LAMA2: variants seen among roughly 807,000 people sequenced by gnomAD.
LAMA2 encodes laminin subunit alpha 2.
A neutral mutation model predicts 364.8 loss-of-function variants in LAMA2; 269 were observed. The ratio of observed to expected loss-of-function variants is 0.74; its 90% CI spans 0.67 to 0.82. LAMA2 has a LOEUF of 0.82. Ranked by LOEUF, LAMA2 falls within the 40% of genes least tolerant of loss-of-function variation. The pLI, the probability that LAMA2 is intolerant of heterozygous loss-of-function variation, is 0.00. For missense variants in LAMA2, 3,807 were observed against 3,873.2 expected, an observed-to-expected ratio of 0.98 and a Z score of 0.45; for synonymous variants, 1,379 against 1,370.6, an observed-to-expected ratio of 1.01 and a Z score of -0.14.
chr6:129,404,989 A>G (rs6900123), intron 40 of LAMA2, among the ~76,000 whole-genome samples: 76,277 of 151,848 alleles, frequency 0.5, 19,648 homozygotes, highest in African/African-American at 0.62. Context: ...TACTAATGCC[A>G]TATGTTCTGT....
intron 12 of LAMA2, among the ~76,000 whole-genome samples, chr6:129,244,937 A>C (rs189262042): frequency 3.3e-4 from 51 of 152,284 alleles, no homozygotes; most frequent in African/African-American, 1.2e-3. Flanking sequence ...ACTTGCAAAC[A>C]AGCTGGTTTT....
intron 3 of LAMA2, among the ~76,000 whole-genome samples, chr6:129,090,533 G>A (rs150818847): frequency 7.0e-4 from 106 of 152,172 alleles, no homozygotes; most frequent in African/African-American, 2.4e-3. Context: ...ATATATCTAG[G>A]TCTCTCAATC....
At chr6:128,929,091 T>C in intron 1 of LAMA2, 1 of 1,458,572 alleles carries the variant, frequency 6.9e-7, no homozygotes, top group Non-Finnish European at 9.6e-7. Flanking sequence ...ATCCACACTG[T>C]GGACCGCAGC....
rs201787324 is a variant in LAMA2, at chr6:129,200,244, G to GTA, written c.1782+7400_1782+7401dup. On this transcript the variant is annotated intron_variant, in intron 12 of 64. Transcript: ENST00000421865. ...TATATACGTGTACACATATACATGT[G>GTA]TATATATATACGTGTACACATATAC... 4.1e-5 allele frequency among the ~76,000 whole-genome samples: 5 copies of GTA among 122,400 alleles called. 1 individual carries two copies. The highest frequency in any genetic ancestry group is 2.3e-4 in the East Asian group (1 of 4,334). The allele number at this position is 122,400 out of a possible 152,430, so 80.3% of individuals were successfully genotyped here.
intron 22 of LAMA2, among the ~76,000 whole-genome samples, chr6:129,303,104 A>AT (rs1031097337): frequency 5.9e-5 from 9 of 152,106 alleles, no homozygotes; most frequent in East Asian, 3.9e-4. Flanking sequence ...ATAACTCTGC[A>AT]TTTTTTTAGG....
chr6:129,215,712 A>G (rs945920805), intron 12 of LAMA2, among the ~76,000 whole-genome samples: 8 of 152,158 alleles, frequency 5.3e-5, no homozygotes, highest in Non-Finnish European at 8.8e-5. Flanking sequence ...TATCTATAAA[A>G]TGGAGAGTGT....
At chr6:129,100,628 A>G (rs1161601290) in intron 4 of LAMA2, among the ~76,000 whole-genome samples, 1 of 152,220 alleles carries the variant, frequency 6.6e-6, no homozygotes, top group Non-Finnish European at 1.5e-5. Flanking sequence ...GGTAAGGATT[A>G]AAAGTTGACT....
Position 129,287,971 on chromosome 6 carries a change from A to G in LAMA2, c.2662A>G (p.Ile888Val). 2.5e-6 allele frequency: 4 copies of G among 1,614,094 alleles called. No homozygotes were observed. The highest frequency in any genetic ancestry group is 1.1e-5 in the South Asian group (1 of 91,084). The part of the protein sequence containing the change: ...SCDSLSGSCL[I>V]CKPGTTGRYC... The stretch of plus-strand genomic sequence containing the variant: ...TGACAGCTTGTCTGGCTCCTGTCTG[A>G]TATGTAAACCAGGTACAACAGGCCG... Residue 888 changes from isoleucine (I) to valine (V), a missense_variant, in exon 19 of 65, where the codon ATA becomes GTA. Transcript: ENST00000421865.
chr6:128,938,403 A>G (rs1438895908), intron 1 of LAMA2, among the ~76,000 whole-genome samples: 1 of 152,174 alleles, frequency 6.6e-6, no homozygotes, highest in African/African-American at 2.4e-5. Context: ...ATTATTTTAT[A>G]TGATCTCACC....
At chr6:129,325,555 GC>G (rs1775226324) in intron 28 of LAMA2, among the ~76,000 whole-genome samples, 3 of 151,178 alleles carry the variant, frequency 2.0e-5, no homozygotes, top group African/African-American at 7.3e-5. Context: ...AAAAAAAACA[GC>G]ACGTTTTAAG....
At chr6:129,413,477 G>A (rs185605308) in intron 40 of LAMA2, among the ~76,000 whole-genome samples, 1 of 151,984 alleles carries the variant, frequency 6.6e-6, no homozygotes, top group Non-Finnish European at 1.5e-5. Context: ...AATTCTACAT[G>A]CCCCATTCGA....
At chr6:129,258,185 G>T (rs1394368255) in intron 14 of LAMA2, among the ~76,000 whole-genome samples, 3 of 151,952 alleles carry the variant, frequency 2.0e-5, no homozygotes, top group African/African-American at 7.2e-5. Flanking sequence ...ATAAGTACTG[G>T]CTTTAGTAAC....
At chr6:129,218,969 A>T (rs265354) in intron 12 of LAMA2, among the ~76,000 whole-genome samples, 6 of 152,060 alleles carry the variant, frequency 3.9e-5, no homozygotes, top group Admixed American at 3.3e-4. Context: ...TATCACCAAG[A>T]TTTGCCAATT....
Position 129,098,256 on chromosome 6 carries a change from T to C in LAMA2, c.480T>C (p.Asp160=). The change falls in exon 4 of 65, where the codon GAT becomes GAC. Residue 160 remains aspartate (D), a synonymous_variant. Coordinates refer to ENST00000421865, the MANE Select transcript of LAMA2 (RefSeq NM_000426.4). The part of the protein sequence containing the change: ...GNWILERSLD[D]VEYKPWQYHA... ...GGATTTTGGAACGCTCTCTTGATGA[T>C]GTTGAATACAAGCCCTGGCAGTATC... is the stretch of plus-strand genomic sequence containing the variant. 6.2e-7 allele frequency: 1 copy of C among 1,614,146 alleles called. No individual in the cohort carries two copies. The highest frequency in any genetic ancestry group is 1.1e-5 in the South Asian group (1 of 91,088).
intron 10 of LAMA2, among the ~76,000 whole-genome samples, chr6:129,189,134 T>C (rs1252465735): frequency 6.6e-6 from 1 of 152,034 alleles, no homozygotes; most frequent in African/African-American, 2.4e-5. Context: ...GGTAGATAGC[T>C]AGAGAGAACA....
intron 4 of LAMA2, among the ~76,000 whole-genome samples, chr6:129,103,795 T>G (rs1460553246): frequency 6.6e-6 from 1 of 152,152 alleles, no homozygotes; most frequent in African/African-American, 2.4e-5. Context: ...AGGTAGATTT[T>G]TAAAATGTTT....
intron 34 of LAMA2, among the ~76,000 whole-genome samples, chr6:129,371,193 G>A (rs760885653): frequency 4.6e-5 from 7 of 151,970 alleles, no homozygotes; most frequent in Admixed American, 1.3e-4. Context: ...TAAGTTACGT[G>A]TTGGCAGATG....
chr6:129,143,383 G>A (rs1268290486), intron 4 of LAMA2, among the ~76,000 whole-genome samples: 1 of 151,704 alleles, frequency 6.6e-6, no homozygotes, highest in Non-Finnish European at 1.5e-5. Flanking sequence ...TCACTGTGAT[G>A]ATAGATTTGT....
intron 1 of LAMA2, among the ~76,000 whole-genome samples, chr6:128,913,439 G>A (rs529807881): frequency 3.9e-5 from 6 of 152,272 alleles, no homozygotes; most frequent in Admixed American, 1.3e-4. Flanking sequence ...GCTTCTGGCT[G>A]TGACTTTTCA....
Sources: gnomAD v4.1 joint callset for allele counts (sites outside exome capture counted in the v4.1 genomes callset) on GRCh38, gnomAD v4.1.1 for gene constraint, MANE v1.5 for transcripts, NCBI Gene and HGNC (gene_info 2026-07-23, HGNC 2026-07-21) for gene names.